OSBPL9: variants seen among roughly 807,000 people sequenced by gnomAD.
OSBPL9 encodes the protein oxysterol-binding protein-related protein 9.
In OSBPL9, 40 loss-of-function variants were observed where a neutral mutation model predicts 106.6. That is an observed-to-expected ratio of 0.38 (90% CI 0.29 to 0.49). The LOEUF is 0.49. Among genes scored for constraint, OSBPL9 ranks in the 20% least tolerant of loss-of-function variants. OSBPL9 has a pLI of 0.97. For synonymous variants in OSBPL9, 269 were observed against 295.4 expected, an observed-to-expected ratio of 0.91 and a Z score of 0.92; for missense variants, 609 against 887.2, an observed-to-expected ratio of 0.69 and a Z score of 3.98.
At position 51,661,678 on chromosome 1, in the gene OSBPL9, T is replaced by C. The variant is rs140004088; in HGVS notation, c.163-7756T>C. Among the ~76,000 whole-genome samples, 1,384 of 152,328 alleles carry C rather than the reference T, an allele frequency of 9.1e-3. 19 individuals are homozygous for C. Among genetic ancestry groups the C allele is most frequent in the African/African-American group, 0.032 (1,329 of 41,562 alleles). On this transcript the variant is annotated intron_variant, in intron 2 of 23. Transcript: ENST00000428468. ...AGTGGAGTTGAAAGAAAAACATTGA[T>C]ATTTTTGTGGGTTAGTATAACAAAT...
intron 2 of OSBPL9, among the ~76,000 whole-genome samples, chr1:51,658,835 T>C (rs570653632): frequency 1.7e-4 from 26 of 152,282 alleles, no homozygotes; most frequent in Non-Finnish European, 2.8e-4. Context: ...ATCTGTATCC[T>C]GTAAGAACTT....
chr1:51,649,251 T>A (rs1274598745), intron 1 of OSBPL9, among the ~76,000 whole-genome samples: 3 of 152,104 alleles, frequency 2.0e-5, no homozygotes, highest in Non-Finnish European at 4.4e-5. Context: ...GGATTACAGG[T>A]GTGCACCACC....
intron 2 of OSBPL9, among the ~76,000 whole-genome samples, chr1:51,658,678 C>T (rs184302332): frequency 2.6e-5 from 4 of 152,068 alleles, no homozygotes; most frequent in Admixed American, 2.0e-4. Flanking sequence ...GTCGGTGGTG[C>T]ACCATGACAG....
chr1:51,635,030 AAGATG>A (rs1307770978), intron 1 of OSBPL9, among the ~76,000 whole-genome samples: 2 of 152,216 alleles, frequency 1.3e-5, no homozygotes, highest in Non-Finnish European at 2.9e-5. Flanking sequence ...GCTACAATTC[AAGATG>A]AGATTTGGGT....
chr1:51,560,132 C>G, the OSBPL9 span, among the ~76,000 whole-genome samples: 1 of 152,188 alleles, frequency 6.6e-6, no homozygotes, highest in Non-Finnish European at 1.5e-5. Context: ...GGGCGTCTGT[C>G]CCAGAAACCT....
chr1:51,781,983 A>G (rs1026226423), intron 16 of OSBPL9, among the ~76,000 whole-genome samples: 4 of 152,138 alleles, frequency 2.6e-5, no homozygotes, highest in African/African-American at 9.7e-5. Context: ...TTCAAAGAGT[A>G]TAGTGTATTT....
chr1:51,694,678 C>A (rs544707727), intron 3 of OSBPL9, among the ~76,000 whole-genome samples: 2 of 152,104 alleles, frequency 1.3e-5, no homozygotes, highest in Non-Finnish European at 1.5e-5. Context: ...AAAATCAAAT[C>A]GGTTTACTGA....
chr1:51,691,380 A>G (rs1030546315), intron 3 of OSBPL9, among the ~76,000 whole-genome samples: 7 of 149,850 alleles, frequency 4.7e-5, no homozygotes, highest in Non-Finnish European at 7.4e-5. Flanking sequence ...CCTGGGTTCA[A>G]GCGATTCTCC....
intron 15 of OSBPL9, among the ~76,000 whole-genome samples, chr1:51,778,477 G>A (rs777252627): frequency 6.6e-6 from 1 of 152,162 alleles, no homozygotes; most frequent in Non-Finnish European, 1.5e-5. Context: ...GCAAAAACTG[G>A]TGTATCTGTA....
At chr1:51,732,757 AT>A (rs1217964030) in intron 4 of OSBPL9, among the ~76,000 whole-genome samples, 1 of 152,100 alleles carries the variant, frequency 6.6e-6, no homozygotes, top group African/African-American at 2.4e-5. Flanking sequence ...CCAAAAACAA[AT>A]TTGGAATGGG....
At chr1:51,782,496 G>T in intron 16 of OSBPL9, 63 bp from the exon 17 acceptor site, 1 of 1,403,384 alleles carries the variant, frequency 7.1e-7, no homozygotes, top group Non-Finnish European at 9.8e-7. Context: ...CCAATTACCA[G>T]ATTCTCTGAA....
At chr1:51,556,060 T>C in the OSBPL9 span, among the ~76,000 whole-genome samples, 3 of 152,190 alleles carry the variant, frequency 2.0e-5, no homozygotes, top group Non-Finnish European at 2.9e-5. Flanking sequence ...CTCAACCACA[T>C]ACTAGCTGTG....
intron 10 of OSBPL9, 61 bp downstream of exon 10, chr1:51,760,841 C>G: frequency 6.4e-7 from 1 of 1,558,636 alleles, no homozygotes; most frequent in South Asian, 1.1e-5. Flanking sequence ...GTGTGGCTGT[C>G]ATAGCAGTCT....
the OSBPL9 span, among the ~76,000 whole-genome samples, chr1:51,532,797 G>A: frequency 6.6e-6 from 1 of 152,160 alleles, no homozygotes; most frequent in East Asian, 1.9e-4. Flanking sequence ...AAAAAGGGAA[G>A]TGAGGACACA....
intron 1 of OSBPL9, among the ~76,000 whole-genome samples, chr1:51,640,322 A>G (rs1408618399): frequency 3.3e-5 from 5 of 152,198 alleles, no homozygotes; most frequent in African/African-American, 1.2e-4. Context: ...TTATGAGTTA[A>G]TTTTTAAACT....
At chr1:51,741,961 A>T (rs1448947759) in intron 4 of OSBPL9, among the ~76,000 whole-genome samples, 1 of 152,208 alleles carries the variant, frequency 6.6e-6, no homozygotes, top group South Asian at 2.1e-4. Context: ...GGACCTGGAC[A>T]AAAGAGAAAG....
At chr1:51,779,627 C>T (rs1001566266) in intron 15 of OSBPL9, among the ~76,000 whole-genome samples, 7 of 151,792 alleles carry the variant, frequency 4.6e-5, no homozygotes, top group Admixed American at 1.3e-4. Flanking sequence ...AGAAAATATT[C>T]GCAAACTATG....
chr1:51,526,143 C>A, the OSBPL9 span, among the ~76,000 whole-genome samples: 1 of 152,192 alleles, frequency 6.6e-6, no homozygotes, highest in Admixed American at 6.5e-5. Flanking sequence ...TCCCAAAACG[C>A]TGGGATTACA....
intron 8 of OSBPL9, among the ~76,000 whole-genome samples, chr1:51,754,474 A>T (rs1422965140): frequency 1.3e-5 from 2 of 152,210 alleles, no homozygotes; most frequent in Non-Finnish European, 2.9e-5. Flanking sequence ...GTAGACACAG[A>T]TCAATTTGAT....
Sources: allele counts gnomAD v4.1 joint callset (sites outside exome capture counted in the v4.1 genomes callset), GRCh38; gene constraint gnomAD v4.1.1; transcripts MANE v1.5; gene names NCBI Gene and HGNC (gene_info 2026-07-23, HGNC 2026-07-21).